THSD4: variants seen among roughly 807,000 people sequenced by gnomAD.
THSD4 encodes thrombospondin type 1 domain containing 4, also known as thrombospondin type-1 domain-containing protein 4.
THSD4 carries 69 observed loss-of-function variants against 119.0 expected under a neutral mutation model. The observed-to-expected ratio is 0.58, with a 90% CI of 0.48 to 0.71. The LOEUF is 0.71. THSD4 is among the 30% of genes least tolerant of loss of function. The probability of loss-of-function intolerance (pLI) is 0.00; values close to 1 mark genes in which losing one functional copy is unlikely to be tolerated. For synonymous variants in THSD4, 524 were observed against 540.4 expected (o/e 0.97, Z 0.42); for missense variants, 1,393 against 1,391.1 (o/e 1.00, Z -0.02).
intron 7 of THSD4, among the ~76,000 whole-genome samples, chr15:71,488,158 A>T (rs2047852026): frequency 6.6e-6 from 1 of 152,230 alleles, no homozygotes; most frequent in African/African-American, 2.4e-5. Context: ...TTGTTATCAT[A>T]TGAAGGGAAC....
At chr15:71,771,638 C>G (rs2053825500) in intron 17 of THSD4, among the ~76,000 whole-genome samples, 1 of 152,078 alleles carries the variant, frequency 6.6e-6, no homozygotes, top group Non-Finnish European at 1.5e-5. Context: ...GATGGAGGGT[C>G]TGACCATCTC....
intron 6 of THSD4, among the ~76,000 whole-genome samples, chr15:71,275,719 A>G (rs918344399): frequency 6.6e-6 from 1 of 152,112 alleles, no homozygotes; most frequent in East Asian, 1.9e-4. Context: ...GGATAATTGA[A>G]TCATGGGGGC....
At chr15:71,415,548 A>G (rs902510108) in intron 7 of THSD4, among the ~76,000 whole-genome samples, 9 of 152,200 alleles carry the variant, frequency 5.9e-5, no homozygotes, top group Admixed American at 3.3e-4. Flanking sequence ...TGATCCAGTT[A>G]TACTGAGTTA....
intron 6 of THSD4, among the ~76,000 whole-genome samples, chr15:71,257,917 A>G (rs1236431340): frequency 1.3e-5 from 2 of 152,062 alleles, no homozygotes; most frequent in African/African-American, 4.8e-5. Flanking sequence ...TGCACATACA[A>G]CGGGTGGGGA....
chr15:71,237,035 C>T (rs911765188), intron 4 of THSD4, among the ~76,000 whole-genome samples: 11 of 152,050 alleles, frequency 7.2e-5, no homozygotes, highest in African/African-American at 1.7e-4. Context: ...GAATAAAGTC[C>T]CTTGGCCTAC....
intron 3 of THSD4, among the ~76,000 whole-genome samples, chr15:71,201,190 A>T (rs1018672233): frequency 6.6e-6 from 1 of 151,832 alleles, no homozygotes; most frequent in Admixed American, 6.6e-5. Flanking sequence ...AAAAAAAGAG[A>T]TGGAGGACCC....
At chr15:71,223,158 G>A (rs994622012) in intron 4 of THSD4, among the ~76,000 whole-genome samples, 1 of 152,160 alleles carries the variant, frequency 6.6e-6, no homozygotes, top group Non-Finnish European at 1.5e-5. Flanking sequence ...TGTGACAGAT[G>A]CGTGGTGTTC....
intron 7 of THSD4, among the ~76,000 whole-genome samples, chr15:71,598,413 G>A (rs2049945528): frequency 6.6e-6 from 1 of 152,142 alleles, no homozygotes; most frequent in African/African-American, 2.4e-5. Context: ...AGACAAGGAA[G>A]GCCAGGAGGT....
intron 2 of THSD4, among the ~76,000 whole-genome samples, chr15:71,147,268 A>C (rs1454258051): frequency 6.6e-6 from 1 of 152,138 alleles, no homozygotes; most frequent in Non-Finnish European, 1.5e-5. Flanking sequence ...CCAGTGGCAC[A>C]GTCATAGCTC....
At chr15:71,356,011 G>A (rs979181132) in intron 6 of THSD4, among the ~76,000 whole-genome samples, 1 of 152,026 alleles carries the variant, frequency 6.6e-6, no homozygotes. Flanking sequence ...GGGACTACAG[G>A]CGTGCGTCAC....
chr15:71,452,349 A>T (rs546445487), intron 7 of THSD4, among the ~76,000 whole-genome samples: 81 of 152,116 alleles, frequency 5.3e-4, no homozygotes, highest in African/African-American at 1.8e-3. Context: ...GTAGTTTTCT[A>T]TTCCCACCCC....
intron 7 of THSD4, among the ~76,000 whole-genome samples, chr15:71,607,498 G>C (rs1207837116): frequency 1.3e-5 from 2 of 152,208 alleles, no homozygotes; most frequent in East Asian, 3.8e-4. Flanking sequence ...ACTTGAAGTA[G>C]TTCCCTGTCA....
intron 6 of THSD4, among the ~76,000 whole-genome samples, chr15:71,398,672 G>A (rs2046483689): frequency 6.6e-6 from 1 of 152,118 alleles, no homozygotes. Flanking sequence ...ATGTGCATTA[G>A]TGATTGGCAA....
At chr15:71,190,498 T>G (rs1380607952) in intron 3 of THSD4, among the ~76,000 whole-genome samples, 3 of 152,212 alleles carry the variant, frequency 2.0e-5, no homozygotes, top group Admixed American at 6.5e-5. Flanking sequence ...GCTATCGGAC[T>G]GAGGGGGTTG....
At chr15:71,768,302 G>A (rs922325212) in intron 16 of THSD4, among the ~76,000 whole-genome samples, 6 of 150,774 alleles carry the variant, frequency 4.0e-5, no homozygotes, top group African/African-American at 1.2e-4. Context: ...CACCTGTTAA[G>A]GCCTCTTTTA....
intron 7 of THSD4, among the ~76,000 whole-genome samples, chr15:71,544,319 CTA>C (rs1163497888): frequency 1.3e-5 from 2 of 152,138 alleles, no homozygotes; most frequent in African/African-American, 2.4e-5. Flanking sequence ...TTACATGAAA[CTA>C]TTTTAAAAGT....
chr15:71,527,591 TAC>T (rs1236497417), intron 7 of THSD4, among the ~76,000 whole-genome samples: 2 of 151,960 alleles, frequency 1.3e-5, no homozygotes, highest in South Asian at 2.1e-4. Context: ...CTGACACACA[TAC>T]ACACACACAG....
intron 6 of THSD4, among the ~76,000 whole-genome samples, chr15:71,324,888 T>A (rs72761505): frequency 6.6e-6 from 1 of 152,204 alleles, no homozygotes. Context: ...ATCTCCAGAC[T>A]GTTTCCCATA....
chr15:71,660,089 CT>C (rs2051272370), intron 7 of THSD4, among the ~76,000 whole-genome samples: 1 of 152,170 alleles, frequency 6.6e-6, no homozygotes, highest in Non-Finnish European at 1.5e-5. Context: ...GGGAACACTA[CT>C]TTTGGAGGTA....
Sources: gnomAD v4.1 joint callset for allele counts (sites outside exome capture counted in the v4.1 genomes callset) on GRCh38, gnomAD v4.1.1 for gene constraint, MANE v1.5 for transcripts, NCBI Gene and HGNC (gene_info 2026-07-23, HGNC 2026-07-21) for gene names.